ACVR2A: variants seen among roughly 807,000 people sequenced by gnomAD.
ACVR2A encodes activin A receptor type 2A.
Under a neutral mutation model 61.4 loss-of-function variants are expected in ACVR2A, and 7 were observed. That is an observed-to-expected ratio of 0.11 (90% CI 0.06 to 0.21). The LOEUF (loss-of-function observed/expected upper bound fraction) is 0.21, where lower values mean the gene tolerates loss of function less well. Ranked by LOEUF, ACVR2A falls within the 10% of genes least tolerant of loss-of-function variation. ACVR2A has a pLI of 1.00. For missense variants in ACVR2A, 322 were observed against 621.7 expected, an observed-to-expected ratio of 0.52 and a Z score of 5.13; for synonymous variants, 193 against 208.3, an observed-to-expected ratio of 0.93 and a Z score of 0.63.
intron 1 of ACVR2A, among the ~76,000 whole-genome samples, chr2:147,881,539 T>G (rs1407012838): frequency 6.6e-6 from 1 of 151,460 alleles, no homozygotes; most frequent in African/African-American, 2.4e-5. Context: ...GGATGTCTAG[T>G]TATTTAGTAA....
chr2:147,920,483 G>A, intron 8 of ACVR2A, 139 bp downstream of exon 8: 1 of 667,276 alleles, frequency 1.5e-6, no homozygotes, highest in Non-Finnish European at 2.5e-6. Flanking sequence ...AGTTTCTGAG[G>A]AAGACATTTT....
intron 4 of ACVR2A, among the ~76,000 whole-genome samples, chr2:147,912,407 T>C (rs1558811908): frequency 6.6e-6 from 1 of 152,114 alleles, no homozygotes; most frequent in East Asian, 1.9e-4. Context: ...TTAGGAATTC[T>C]GAAATCCTTC....
At chr2:147,922,275 T>C (rs1270214206) in intron 8 of ACVR2A, among the ~76,000 whole-genome samples, 1 of 152,108 alleles carries the variant, frequency 6.6e-6, no homozygotes, top group African/African-American at 2.4e-5. Context: ...GTAGAGATTA[T>C]AGCCACCTAA....
chr2:147,898,565 TAAG>T (rs950509194), intron 2 of ACVR2A, among the ~76,000 whole-genome samples: 15 of 152,262 alleles, frequency 9.9e-5, no homozygotes, highest in African/African-American at 3.6e-4. Flanking sequence ...GCTTTTCACT[TAAG>T]AATTAAATTC....
At chr2:147,891,081 C>T (rs1573683653) in intron 1 of ACVR2A, among the ~76,000 whole-genome samples, 1 of 152,160 alleles carries the variant, frequency 6.6e-6, no homozygotes, top group East Asian at 1.9e-4. Flanking sequence ...ATACAAGACA[C>T]TAATGCTGCT....
At chr2:147,863,024 C>G (rs1685765288) in intron 1 of ACVR2A, among the ~76,000 whole-genome samples, 6 of 152,144 alleles carry the variant, frequency 3.9e-5, no homozygotes, top group Admixed American at 3.9e-4. Context: ...GTAATTGTTA[C>G]CCCATTTTAT....
chr2:147,850,796 A>G (rs1685426147), intron 1 of ACVR2A, among the ~76,000 whole-genome samples: 1 of 152,148 alleles, frequency 6.6e-6, no homozygotes, highest in South Asian at 2.1e-4. Context: ...ATTTCTTGTT[A>G]GTCACTTTTG....
Position 147,915,185 on chromosome 2 carries a change from C to T in ACVR2A, c.529-6C>T. On this transcript the variant is annotated splice_region_variant and splice_polypyrimidine_tract_variant and intron_variant, in intron 4 of 10. Coordinates refer to ENST00000241416, the MANE Select transcript of ACVR2A (RefSeq NM_001616.5). ...TATTTATAGTATTATTATTATTTAT[C>T]TGTAGGACCCAGGACCACCCCCACC... 1.2e-6 allele frequency: 2 copies of T among 1,610,296 alleles called. No homozygotes were observed. Among genetic ancestry groups the T allele is most frequent in the Non-Finnish European group, 8.5e-7 (1 of 1,177,362 alleles).
chr2:147,887,700 A>G (rs966924348), intron 1 of ACVR2A, among the ~76,000 whole-genome samples: 16 of 152,206 alleles, frequency 1.1e-4, no homozygotes, highest in Admixed American at 3.9e-4. Flanking sequence ...TAACATATCT[A>G]TTACCTCACA....
chr2:147,844,763 C>T (rs1272687700), upstream of ACVR2A: 1 of 161,226 alleles, frequency 6.2e-6, no homozygotes, highest in Non-Finnish European at 1.3e-5. Flanking sequence ...GCAGCGGACG[C>T]CGCTGCCGCC....
intron 1 of ACVR2A, among the ~76,000 whole-genome samples, chr2:147,883,810 T>C (rs1342307594): frequency 2.6e-5 from 4 of 152,132 alleles, no homozygotes; most frequent in Non-Finnish European, 4.4e-5. Context: ...TTGTGCTTTG[T>C]TTTATTTTTG....
In ACVR2A at chr2:147,914,911, T is replaced by TA. The variant is rs1272834642; in HGVS notation, c.529-279dup. ...CACAGAAAATCTTAGTGGGGAATAT[T>TA]ACTGAGACTGATCAGAAAGATTTTA... On this transcript the variant is annotated intron_variant, in intron 4 of 10. Transcript: ENST00000241416. Among the ~76,000 whole-genome samples, 9 of 152,100 alleles carry TA rather than the reference T, an allele frequency of 5.9e-5. No homozygotes were observed. The East Asian group carries it at 1.7e-3, about 29-fold the overall frequency.
chr2:147,883,619 G>A (rs1686364036), intron 1 of ACVR2A, among the ~76,000 whole-genome samples: 1 of 152,022 alleles, frequency 6.6e-6, no homozygotes, highest in African/African-American at 2.4e-5. Flanking sequence ...GAAAAAAACT[G>A]TTGGTGATTA....
At position 147,928,441 on chromosome 2, in the gene ACVR2A, T is replaced by C. The variant is rs1687561133; in HGVS notation, c.*1167T>C. On this transcript the variant is annotated 3_prime_UTR_variant, in exon 11 of 11. Coordinates refer to ENST00000241416, the MANE Select transcript of ACVR2A (RefSeq NM_001616.5). ...TGTAACTTTATCACTATACTTCTGC[T>C]TGGTGCCATCTTGTCAGAGTAATAT... 6.6e-6 allele frequency: 1 copy of C among 152,104 alleles called. No individual in the cohort carries two copies. 9.4% of individuals were successfully genotyped at this position (152,104 alleles called of 1,614,324 possible).
At chr2:147,921,412 C>T (rs948788425) in intron 8 of ACVR2A, among the ~76,000 whole-genome samples, 4 of 152,104 alleles carry the variant, frequency 2.6e-5, no homozygotes, top group African/African-American at 4.8e-5. Context: ...TTCAGGCCTT[C>T]GACATTATCA....
intron 1 of ACVR2A, among the ~76,000 whole-genome samples, chr2:147,879,572 A>G (rs922047312): frequency 2.0e-5 from 3 of 152,230 alleles, no homozygotes; most frequent in Admixed American, 2.0e-4. Flanking sequence ...GGTAGAAAGA[A>G]TGTATCAAGG....
chr2:147,852,575 A>T (rs1685473469), intron 1 of ACVR2A, among the ~76,000 whole-genome samples: 1 of 152,094 alleles, frequency 6.6e-6, no homozygotes, highest in South Asian at 2.1e-4. Context: ...TATAGGGAAA[A>T]CTGGTCTCAA....
At chr2:147,895,722 T>C (rs1435185603) in intron 1 of ACVR2A, among the ~76,000 whole-genome samples, 1 of 152,284 alleles carries the variant, frequency 6.6e-6, no homozygotes, top group East Asian at 1.9e-4. Context: ...TAAAATAATA[T>C]TGTCTTTTCT....
chr2:147,924,814 C>T (rs1415713905), intron 9 of ACVR2A, among the ~76,000 whole-genome samples: 1 of 151,834 alleles, frequency 6.6e-6, no homozygotes, highest in Non-Finnish European at 1.5e-5. Flanking sequence ...GGGTTGAAGC[C>T]TGAGAGTCTA....
Sources: gnomAD v4.1 joint callset for allele counts (sites outside exome capture counted in the v4.1 genomes callset) on GRCh38, gnomAD v4.1.1 for gene constraint, MANE v1.5 for transcripts, NCBI Gene and HGNC (gene_info 2026-07-23, HGNC 2026-07-21) for gene names.